Variants in SPON1 observed in about 807,000 individuals in gnomAD.
SPON1 encodes spondin-1.
SPON1 carries 52 observed loss-of-function variants against 111.7 expected under a neutral mutation model. The ratio of observed to expected loss-of-function variants is 0.47; its 90% CI spans 0.37 to 0.59. SPON1 has a LOEUF of 0.59. Among genes scored for constraint, SPON1 ranks in the 20% least tolerant of loss-of-function variants. The probability of loss-of-function intolerance (pLI) is 0.00; values close to 1 mark genes in which losing one functional copy is unlikely to be tolerated. For missense variants in SPON1, 957 were observed against 1,068.5 expected (o/e 0.90, Z 1.46); for synonymous variants, 410 against 395.8 (o/e 1.04, Z -0.43).
In SPON1 at chr11:13,963,132, C is replaced by T; in HGVS notation, c.228C>T (p.Thr76=). Reference sequence around the variant, plus strand: ...ACCCCGACTTCTACAAGCCGGGAACCAGCTACCGCGGTAAGTGGCCGCCCG... The same window carrying T: ...ACCCCGACTTCTACAAGCCGGGAACTAGCTACCGCGGTAAGTGGCCGCCCG... ...EGDPDFYKPG[T]SYRVTLSAAP... Residue 76 remains threonine, a synonymous_variant, in exon 1 of 16, where the codon ACC becomes ACT. Coordinates refer to ENST00000576479, the MANE Select transcript of SPON1 (RefSeq NM_006108.4). The T allele has an allele frequency of 4.6e-6, 7 of 1,509,160 alleles. No individual in the cohort carries two copies. The highest frequency in any genetic ancestry group is 6.2e-6 in the Non-Finnish European group (7 of 1,126,016). The allele number at this position is 1,509,160 out of a possible 1,614,324, so 93.5% of individuals were successfully genotyped here.
chr11:14,219,703 C>G (rs1180427305), intron 6 of SPON1, among the ~76,000 whole-genome samples: 9 of 152,168 alleles, frequency 5.9e-5, no homozygotes, highest in Non-Finnish European at 1.2e-4. Flanking sequence ...AAGAAGATAG[C>G]ATGACCAGAT....
At chr11:14,251,116 G>C (rs561404044) in intron 7 of SPON1, among the ~76,000 whole-genome samples, 4 of 152,282 alleles carry the variant, frequency 2.6e-5, no homozygotes, top group African/African-American at 7.2e-5. Context: ...AAGCAATTTG[G>C]GGAGAGGTCA....
intron 6 of SPON1, among the ~76,000 whole-genome samples, chr11:14,192,246 G>GATATATATAT (rs35202633): frequency 5.9e-4 from 85 of 144,280 alleles, no homozygotes; most frequent in African/African-American, 2.1e-3. Context: ...TATCATTAGG[G>GATATATATAT]ATATATATAT....
At chr11:14,003,989 C>CT (rs1554912788) in intron 2 of SPON1, among the ~76,000 whole-genome samples, 1 of 151,984 alleles carries the variant, frequency 6.6e-6, no homozygotes, top group African/African-American at 2.4e-5. Context: ...TATTTGAGCT[C>CT]TTTTTTTAAA....
At position 14,267,859 on chromosome 11, in the gene SPON1, C is replaced by T. The variant is rs1849289782; in HGVS notation, c.*2172C>T. 6.6e-6 allele frequency: 1 copy of T among 152,126 alleles called. No homozygotes were observed. Among genetic ancestry groups the T allele is most frequent in the African/African-American group, 2.4e-5 (1 of 41,414 alleles). 9.4% of individuals were successfully genotyped at this position (152,126 alleles called of 1,614,324 possible). A position where few individuals can be genotyped will look rare whatever the true frequency, so the allele number is the denominator to read the frequency against. On this transcript the variant is annotated 3_prime_UTR_variant, in exon 16 of 16. Transcript: ENST00000576479. ...GAGACAGTAAAGAGAGTATTAGACA[C>T]CCAGTAAAAACTGCCATATAAAGAA...
At chr11:14,120,028 G>C (rs1364377359) in intron 5 of SPON1, among the ~76,000 whole-genome samples, 1 of 152,074 alleles carries the variant, frequency 6.6e-6, no homozygotes, top group East Asian at 1.9e-4. Context: ...CCAACTTCTT[G>C]GAAAGTTAAA....
intron 5 of SPON1, among the ~76,000 whole-genome samples, chr11:14,093,449 G>A (rs1554923594): frequency 6.6e-6 from 1 of 152,176 alleles, no homozygotes; most frequent in Non-Finnish European, 1.5e-5. Context: ...GACAATGTAA[G>A]CTGCATAGCT....
intron 6 of SPON1, among the ~76,000 whole-genome samples, chr11:14,177,141 C>T (rs527435039): frequency 7.8e-4 from 119 of 152,236 alleles, no homozygotes; most frequent in African/African-American, 2.6e-3. Context: ...CCCAGGTTCA[C>T]GCCATTCTCC....
At chr11:13,968,002 G>A (rs1435106772) in intron 1 of SPON1, among the ~76,000 whole-genome samples, 2 of 152,168 alleles carry the variant, frequency 1.3e-5, no homozygotes, top group African/African-American at 4.8e-5. Flanking sequence ...CCCATACACA[G>A]ATAAGCTGTT....
chr11:14,116,584 T>C (rs1849268727), intron 5 of SPON1, among the ~76,000 whole-genome samples: 1 of 152,188 alleles, frequency 6.6e-6, no homozygotes, highest in Non-Finnish European at 1.5e-5. Flanking sequence ...TCCATTGCTG[T>C]ATTTGTCTGC....
intron 6 of SPON1, among the ~76,000 whole-genome samples, chr11:14,207,803 CA>C (rs1421392121): frequency 6.6e-6 from 1 of 152,200 alleles, no homozygotes; most frequent in Non-Finnish European, 1.5e-5. Flanking sequence ...GGCAATTCCT[CA>C]AAGACCTAGA....
At chr11:14,208,336 A>G (rs1051019229) in intron 6 of SPON1, among the ~76,000 whole-genome samples, 5 of 152,072 alleles carry the variant, frequency 3.3e-5, no homozygotes, top group Non-Finnish European at 7.4e-5. Context: ...AAACCTGCAC[A>G]TGTACCCCTG....
At chr11:13,981,421 G>A (rs1406725647) in intron 1 of SPON1, among the ~76,000 whole-genome samples, 1 of 152,068 alleles carries the variant, frequency 6.6e-6, no homozygotes, top group Non-Finnish European at 1.5e-5. Context: ...CCACCTCCCG[G>A]GTTCACACCA....
chr11:13,991,427 G>T (rs1277910919), intron 2 of SPON1, among the ~76,000 whole-genome samples: 1 of 152,048 alleles, frequency 6.6e-6, no homozygotes, highest in Non-Finnish European at 1.5e-5. Context: ...AGCTCCATCA[G>T]GTCATTTATG....
At chr11:14,112,490 A>G (rs1218211142) in intron 5 of SPON1, among the ~76,000 whole-genome samples, 2 of 152,222 alleles carry the variant, frequency 1.3e-5, no homozygotes, top group Non-Finnish European at 2.9e-5. Flanking sequence ...GTTTTCTCAT[A>G]TATTAAATGG....
intron 3 of SPON1, among the ~76,000 whole-genome samples, chr11:14,046,354 T>TTCTCAG (rs1438390741): frequency 6.6e-6 from 1 of 152,180 alleles, no homozygotes; most frequent in Non-Finnish European, 1.5e-5. Flanking sequence ...TTACGGAGTA[T>TTCTCAG]TCTCAGTCTT....
At chr11:13,967,884 G>A (rs1554908187) in intron 1 of SPON1, among the ~76,000 whole-genome samples, 1 of 152,124 alleles carries the variant, frequency 6.6e-6, no homozygotes, top group Admixed American at 6.6e-5. Flanking sequence ...ATGCTTAATG[G>A]TTGTGGAGAT....
intron 8 of SPON1, among the ~76,000 whole-genome samples, chr11:14,255,272 A>C (rs1264967472): frequency 2.6e-5 from 4 of 152,230 alleles, no homozygotes; most frequent in African/African-American, 4.8e-5. Context: ...AGCAACAGAC[A>C]CAATATGGTT....
At chr11:13,970,224 G>C (rs180795192) in intron 1 of SPON1, among the ~76,000 whole-genome samples, 3 of 152,296 alleles carry the variant, frequency 2.0e-5, no homozygotes, top group Middle Eastern at 3.4e-3. Context: ...TGGAGTTGGG[G>C]TGCAGATAGG....
Sources: allele counts gnomAD v4.1 joint callset (sites outside exome capture counted in the v4.1 genomes callset), GRCh38; gene constraint gnomAD v4.1.1; transcripts MANE v1.5; gene names NCBI Gene and HGNC (gene_info 2026-07-23, HGNC 2026-07-21).